CACNA2D4: variants seen among roughly 807,000 people sequenced by gnomAD.
CACNA2D4 encodes calcium voltage-gated channel auxiliary subunit alpha2delta 4.
CACNA2D4 carries 157 observed loss-of-function variants against 163.8 expected under a neutral mutation model. That is an observed-to-expected ratio of 0.96 (90% CI 0.84 to 1.09). The LOEUF (loss-of-function observed/expected upper bound fraction) is 1.09. Ranked by LOEUF, CACNA2D4 falls within the 50% of genes least tolerant of loss-of-function variation. The pLI is 0.00. For synonymous variants in CACNA2D4, 598 were observed against 586.9 expected (o/e 1.02, Z -0.27); for missense variants, 1,410 against 1,479.9 (o/e 0.95, Z 0.78).
Position 1,834,692 on chromosome 12 carries a change from G to C in CACNA2D4, c.2551+6047C>G. The C allele has an allele frequency of 6.2e-7, 1 of 1,601,466 alleles. No homozygotes were observed. Among genetic ancestry groups the C allele is most frequent in the Non-Finnish European group, 8.5e-7 (1 of 1,178,870 alleles). On this transcript the variant is annotated intron_variant, in intron 26 of 37. Transcript: ENST00000382722. This position sits in a 1 kb window ranked among gnomAD's most constrained non-coding sequence, Gnocchi z 7.6. ...GGGGGACCCCGAGGGCGAGCACGAG[G>C]ACCAGAAGCAGATCTCTTCTGTGGC...
chr12:1,858,766 G>A, intron 19 of CACNA2D4, 122 bp from the exon 20 acceptor site: 1 of 637,848 alleles, frequency 1.6e-6, no homozygotes. Context: ...GACGAGTGGT[G>A]TGCTCCTCAT....
In CACNA2D4 at chr12:1,875,208, T is replaced by A; in HGVS notation, c.1806+43A>T. 7.2e-7 allele frequency: 1 copy of A among 1,397,492 alleles called. No individual in the cohort carries two copies. The highest frequency in any genetic ancestry group is 1.0e-6 in the Non-Finnish European group (1 of 982,920). 86.6% of individuals were successfully genotyped at this position (1,397,492 alleles called of 1,614,324 possible). A position where few individuals can be genotyped will look rare whatever the true frequency, so the allele number is the denominator to read the frequency against. On this transcript the variant is annotated intron_variant, in intron 17 of 37. Coordinates refer to ENST00000382722, the MANE Select transcript of CACNA2D4 (RefSeq NM_172364.5). The surrounding 1 kb of genome is among the most constrained non-coding windows in gnomAD (Gnocchi z 4.0). ...CACAGCTGACCCATTTAGTTGGATG[T>A]AGAGCCTAACTAGCTTCCCTTCCCC...
chr12:1,847,353 T>A (rs1592708127), intron 23 of CACNA2D4, among the ~76,000 whole-genome samples: 1 of 152,190 alleles, frequency 6.6e-6, no homozygotes, highest in Admixed American at 6.5e-5. Flanking sequence ...ACCTAGTTCC[T>A]CTCCATGCCC....
chr12:1,854,124 GAGA>G (rs765029376), intron 22 of CACNA2D4, 80 bp from the exon 23 acceptor site: 30 of 1,030,462 alleles, frequency 2.9e-5, no homozygotes, highest in Non-Finnish European at 4.1e-5. Flanking sequence ...TAAGTTCAGG[GAGA>G]AGATGTGCTT....
rs751447536 is a variant in CACNA2D4 at position 1,885,962 on chromosome 12, C to G, written c.1068+3G>C. ...GAAGTCTCAGGCCACCGTGGACACT[C>G]ACCTCTCGATTGTCTCGGTCCGCCT... On this transcript the variant is annotated splice_donor_region_variant and intron_variant, in intron 9 of 37. Transcript: ENST00000382722. The G allele has an allele frequency of 6.2e-7, 1 of 1,609,596 alleles. No homozygotes were observed. The highest frequency in any genetic ancestry group is 8.5e-7 in the Non-Finnish European group (1 of 1,176,604).
At position 1,799,693 on chromosome 12, in the gene CACNA2D4, T is replaced by A. The variant is rs1555174060; in HGVS notation, c.2977A>T (p.Lys993Ter). The change falls in exon 34 of 38, where the codon AAA (lysine) becomes TAA (stop). Residue 993 changes from lysine (K) to a stop codon, truncating the protein, a stop_gained and splice_region_variant. Transcript: ENST00000382722. LOFTEE classifies it high-confidence loss of function. The surrounding 1 kb of genome is among the most constrained non-coding windows in gnomAD (Gnocchi z 4.7). The stretch of plus-strand genomic sequence containing the variant: ...TACTTACAGTGATGGAAGACACTTT[T>A]GGCTGGCCGGAACATAAGCCCAGCA... ...GSWYDRGAEA[K>*]SVFHHSHKHK... 1.3e-6 allele frequency: 2 copies of A among 1,572,350 alleles called. No individual in the cohort carries two copies. Among genetic ancestry groups the A allele is most frequent in the Non-Finnish European group, 8.6e-7 (1 of 1,159,190 alleles).
Position 1,878,323 on chromosome 12 carries a change from G to A in CACNA2D4, c.1711C>T (p.Arg571Trp), listed in dbSNP as rs376257275. The A allele has an allele frequency of 3.0e-5, 49 of 1,609,274 alleles. No homozygotes were observed. Among genetic ancestry groups the A allele is most frequent in the South Asian group, 2.1e-4 (19 of 89,578 alleles). Residue 571 changes from arginine to tryptophan, a missense_variant, in exon 16 of 38, where the codon CGG (arginine) becomes TGG (tryptophan). Arg to Trp is a moderately radical substitution (Grantham distance 101, BLOSUM62 -3). Transcript: ENST00000382722. This position sits in a 1 kb window ranked among gnomAD's most constrained non-coding sequence, Gnocchi z 4.6. The part of the protein sequence containing the change: ...NGYILSHPDL[R>W]PLYREGKKLK... ...AGAAGATCTGTACCTACCAGGGGCC[G>A]GAGGTCGGGATGGGAGAGGATGTAG...
chr12:1,895,134 A>G (rs1046506851), intron 6 of CACNA2D4, among the ~76,000 whole-genome samples: 2 of 152,178 alleles, frequency 1.3e-5, no homozygotes. Context: ...AATCTCATTT[A>G]CAGTAACTAC....
Position 1,800,446 on chromosome 12 carries a change from GGAGA to G in CACNA2D4, c.2869-12_2869-9del, listed in dbSNP as rs1378838357. The G allele has an allele frequency of 9.3e-6, 15 of 1,613,706 alleles. No individual in the cohort carries two copies. The Middle Eastern group carries it at 8.2e-4, about 88-fold the overall frequency. ...CAAGAAGGCAGAAATTGGCTGGGAA[GGAGA>G]GAGTGCACACCGCTCGCACCTAGGT... On this transcript the variant is annotated splice_polypyrimidine_tract_variant and intron_variant, in intron 31 of 37. Coordinates refer to ENST00000382722, the MANE Select transcript of CACNA2D4 (RefSeq NM_172364.5).
chr12:1,858,728 A>T, intron 19 of CACNA2D4, 84 bp from the exon 20 acceptor site: 1 of 1,072,830 alleles, frequency 9.3e-7, no homozygotes, highest in Non-Finnish European at 1.3e-6. Flanking sequence ...CCTTACCAAC[A>T]CTAGGTGTAT....
intron 34 of CACNA2D4, chr12:1,797,765 GCCT>G (rs1863179286): frequency 3.4e-6 from 2 of 584,898 alleles, no homozygotes; most frequent in Admixed American, 6.1e-5. Context: ...GGGGCCCTGA[GCCT>G]CGGTGGAGGG....
intron 23 of CACNA2D4, 107 bp downstream of exon 23, chr12:1,853,844 G>A (rs145450434): frequency 2.8e-5 from 22 of 795,474 alleles, no homozygotes; most frequent in Middle Eastern, 2.8e-4. Flanking sequence ...GCCAAAGGAC[G>A]TGGGTTCTCT....
intron 13 of CACNA2D4, among the ~76,000 whole-genome samples, chr12:1,881,758 G>A (rs529065842): frequency 2.0e-5 from 3 of 152,388 alleles, no homozygotes; most frequent in South Asian, 2.1e-4. Context: ...CTCAGCAGCA[G>A]TCGGTGATGG....
At chr12:1,903,601 A>G (rs1427027067) in intron 6 of CACNA2D4, among the ~76,000 whole-genome samples, 1 of 152,132 alleles carries the variant, frequency 6.6e-6, no homozygotes, top group Admixed American at 6.5e-5. Flanking sequence ...ACAAATGGCA[A>G]ACAGGTATAT....
rs1865719654 is a variant in CACNA2D4, at chr12:1,869,266, G to A, written c.1878+5338C>T. The stretch of plus-strand genomic sequence containing the variant: ...GTGTGTGTGAGATTTGCAGACAGAA[G>A]TGCAGCAGTAGCCGTTTTGCACACT... On this transcript the variant is annotated intron_variant, in intron 18 of 37. Transcript: ENST00000382722. The surrounding 1 kb of genome is among the most constrained non-coding windows in gnomAD (Gnocchi z 4.7). Among the ~76,000 whole-genome samples the A allele has an allele frequency of 6.6e-6, 1 of 152,240 alleles. No homozygotes were observed. Among genetic ancestry groups the A allele is most frequent in the Admixed American group, 6.5e-5 (1 of 15,282 alleles).
At chr12:1,797,272 G>T (rs562429347) in intron 35 of CACNA2D4, 146 bp downstream of exon 35, 4 of 658,016 alleles carry the variant, frequency 6.1e-6, no homozygotes, top group Non-Finnish European at 1.1e-5. Flanking sequence ...GGAAGACCCC[G>T]GGAGCGTGGG....
chr12:1,800,338 C>T, intron 32 of CACNA2D4, 48 bp downstream of exon 32: 3 of 1,599,248 alleles, frequency 1.9e-6, no homozygotes, highest in Non-Finnish European at 2.6e-6. Context: ...CCTCCTAAGC[C>T]ACCCTCGCAT....
At chr12:1,819,833 G>A in intron 26 of CACNA2D4, among the ~76,000 whole-genome samples, 1 of 152,226 alleles carries the variant, frequency 6.6e-6, no homozygotes, top group Non-Finnish European at 1.5e-5. Flanking sequence ...ACGGTCTGCA[G>A]GCTGCTGCTG....
Position 1,828,006 on chromosome 12 carries a change from C to T in CACNA2D4, c.2551+12733G>A, listed in dbSNP as rs1864427284. The T allele has an allele frequency of 3.3e-6, 2 of 605,824 alleles. No homozygotes were observed. Among genetic ancestry groups the T allele is most frequent in the East Asian group, 3.3e-5 (1 of 30,430 alleles). The allele number at this position is 605,824 out of a possible 1,614,324, so 37.5% of individuals were successfully genotyped here. On this transcript the variant is annotated intron_variant, in intron 26 of 37. Transcript: ENST00000382722. The surrounding 1 kb of genome is among the most constrained non-coding windows in gnomAD (Gnocchi z 4.2). ...AGGAGTGTAAAGAGACACCCGGGCC[C>T]TCTCCCTAACCCCTGGGCTGGAACG...
Sources: gnomAD v4.1 joint callset for allele counts (sites outside exome capture counted in the v4.1 genomes callset) on GRCh38, gnomAD v4.1.1 for gene constraint, Gnocchi (gnomAD v3.1) non-coding constraint, MANE v1.5 for transcripts, NCBI Gene and HGNC (gene_info 2026-07-23, HGNC 2026-07-21) for gene names.